The following DPP10 variants were observed in gnomAD, a reference collection of about 807,000 sequenced individuals.
DPP10 encodes inactive dipeptidyl peptidase 10.
Under a neutral mutation model 120.9 loss-of-function variants are expected in DPP10, and 33 were observed. The ratio of observed to expected loss-of-function variants is 0.27; its 90% CI spans 0.21 to 0.37. The LOEUF is 0.37. DPP10 is among the 10% of genes least tolerant of loss of function. The pLI is 1.00. For synonymous variants in DPP10, 337 were observed against 326.1 expected (o/e 1.03, Z -0.36); for missense variants, 816 against 942.8 (o/e 0.87, Z 1.76).
intron 1 of DPP10, among the ~76,000 whole-genome samples, chr2:115,081,917 T>C (rs1339198429): frequency 1.3e-5 from 2 of 152,220 alleles, no homozygotes; most frequent in African/African-American, 2.4e-5. Flanking sequence ...CATTAGATTT[T>C]GATTCCATTC....
chr2:114,881,594 GTCTGTCTA>G (rs1325275412), intron 1 of DPP10, among the ~76,000 whole-genome samples: 2,234 of 96,298 alleles, frequency 0.023, 41 homozygotes, highest in Admixed American at 0.06. Flanking sequence ...CTGTCTGTCT[GTCTGTCTA>G]TCTATCTATC....
chr2:114,446,069 T>C (rs1268023821), intron 1 of DPP10, among the ~76,000 whole-genome samples: 1 of 152,222 alleles, frequency 6.6e-6, no homozygotes, highest in East Asian at 1.9e-4. Context: ...TTTTAGGAAG[T>C]ATCTGGGAAT....
chr2:114,617,961 C>G (rs1693800326), intron 1 of DPP10, among the ~76,000 whole-genome samples: 1 of 152,024 alleles, frequency 6.6e-6, no homozygotes, highest in Admixed American at 6.6e-5. Flanking sequence ...TCAGAGATCA[C>G]CCACCACCAC....
chr2:115,259,242 G>A lies in DPP10; in HGVS notation c.61-49997G>A, dbSNP rs1031883545. On this transcript the variant is annotated intron_variant, in intron 1 of 25. Coordinates refer to ENST00000410059, the MANE Select transcript of DPP10 (RefSeq NM_020868.6). Reference sequence around the variant, plus strand: ...CACACCTGTAATCCCAGCACTTTGGGAGGCCAAGGTGGGCGGATCACCTGA... The same window carrying A: ...CACACCTGTAATCCCAGCACTTTGGAAGGCCAAGGTGGGCGGATCACCTGA... Among the ~76,000 whole-genome samples, 8 of 152,160 alleles carry A rather than the reference G, an allele frequency of 5.3e-5. No individual in the cohort carries two copies. In the East Asian group the frequency reaches 9.7e-4, roughly 18 times the overall value.
chr2:115,093,589 T>A (rs1185737321), intron 1 of DPP10, among the ~76,000 whole-genome samples: 1 of 152,038 alleles, frequency 6.6e-6, no homozygotes, highest in East Asian at 1.9e-4. Flanking sequence ...ATAGTACATA[T>A]CTAATAAATA....
chr2:115,451,767 A>T (rs1190465857), intron 3 of DPP10, among the ~76,000 whole-genome samples: 4 of 152,010 alleles, frequency 2.6e-5, no homozygotes. Context: ...CATTATAAAA[A>T]TTAACGCATA....
chr2:115,466,416 A>C (rs1483132581), intron 3 of DPP10, among the ~76,000 whole-genome samples: 1 of 152,208 alleles, frequency 6.6e-6, no homozygotes, highest in Non-Finnish European at 1.5e-5. Flanking sequence ...TCCTACAAAT[A>C]TTATTATACT....
intron 19 of DPP10, among the ~76,000 whole-genome samples, chr2:115,804,745 G>A (rs1454995305): frequency 1.3e-5 from 2 of 152,148 alleles, no homozygotes; most frequent in East Asian, 1.9e-4. Context: ...GCAGAACAGT[G>A]GATACTGGTG....
At chr2:115,126,261 G>A (rs1405935004) in intron 1 of DPP10, among the ~76,000 whole-genome samples, 3 of 152,032 alleles carry the variant, frequency 2.0e-5, no homozygotes, top group Non-Finnish European at 4.4e-5. Flanking sequence ...TGGGACTACT[G>A]GCTAATTTTT....
intron 19 of DPP10, among the ~76,000 whole-genome samples, chr2:115,797,544 A>G (rs1006546853): frequency 1.3e-5 from 2 of 152,044 alleles, no homozygotes; most frequent in African/African-American, 4.8e-5. Context: ...GCTTTGCCAT[A>G]TAATGAGGTT....
intron 1 of DPP10, among the ~76,000 whole-genome samples, chr2:115,126,154 T>G (rs2104761568): frequency 6.6e-6 from 1 of 152,344 alleles, no homozygotes; most frequent in African/African-American, 2.4e-5. Context: ...GGCCTCACTC[T>G]GTTGACCAGG....
intron 1 of DPP10, among the ~76,000 whole-genome samples, chr2:114,840,452 C>T (rs2106445427): frequency 6.6e-6 from 1 of 152,102 alleles, no homozygotes; most frequent in South Asian, 2.1e-4. Context: ...TTCTGTGACC[C>T]ATTCGCTTTT....
At chr2:115,718,158 C>G (rs1171342090) in intron 7 of DPP10, among the ~76,000 whole-genome samples, 2 of 148,102 alleles carry the variant, frequency 1.4e-5, no homozygotes, top group African/African-American at 5.0e-5. Flanking sequence ...TCTTTTCTAG[C>G]AAATTACTTA....
intron 5 of DPP10, among the ~76,000 whole-genome samples, chr2:115,527,027 T>G (rs977386381): frequency 2.6e-5 from 4 of 152,102 alleles, no homozygotes; most frequent in Non-Finnish European, 5.9e-5. Context: ...ATTTATAGAC[T>G]AAAATATTAT....
intron 1 of DPP10, among the ~76,000 whole-genome samples, chr2:115,072,620 T>C (rs536252132): frequency 4.1e-4 from 63 of 152,270 alleles, no homozygotes; most frequent in African/African-American, 1.3e-3. Context: ...TGTGCCTACA[T>C]ACAACCTCAG....
chr2:114,962,061 A>G (rs1449672433), intron 1 of DPP10, among the ~76,000 whole-genome samples: 3 of 152,092 alleles, frequency 2.0e-5, no homozygotes, highest in Admixed American at 6.6e-5. Context: ...TACAAATACT[A>G]TCTCTGCTAT....
chr2:114,891,398 C>G (rs1275417293), intron 1 of DPP10, among the ~76,000 whole-genome samples: 1 of 152,148 alleles, frequency 6.6e-6, no homozygotes, highest in Non-Finnish European at 1.5e-5. Context: ...CTTTAGCTCT[C>G]AGGGCTCTTA....
intron 1 of DPP10, among the ~76,000 whole-genome samples, chr2:114,446,116 G>A (rs1416169074): frequency 6.6e-6 from 1 of 152,282 alleles, no homozygotes; most frequent in East Asian, 1.9e-4. Flanking sequence ...TATTATAAAC[G>A]TGATTTCTGA....
At chr2:115,670,478 A>C (rs2089786665) in intron 5 of DPP10, among the ~76,000 whole-genome samples, 1 of 152,116 alleles carries the variant, frequency 6.6e-6, no homozygotes, top group Admixed American at 6.6e-5. Flanking sequence ...CAGTTTTTGT[A>C]AGCTTTTTAT....
Sources: gnomAD v4.1 joint callset for allele counts (sites outside exome capture counted in the v4.1 genomes callset) on GRCh38, gnomAD v4.1.1 for gene constraint, MANE v1.5 for transcripts, NCBI Gene and HGNC (gene_info 2026-07-23, HGNC 2026-07-21) for gene names.